Variants in BPHL observed in about 807,000 individuals in gnomAD.
The protein encoded by BPHL is serine hydrolase BPHL.
BPHL carries 27 observed loss-of-function variants against 31.2 expected under a neutral mutation model. That is an observed-to-expected ratio of 0.87 (90% CI 0.64 to 1.19). BPHL has a LOEUF of 1.19. Among genes scored for constraint, BPHL ranks in the 50% most tolerant of loss-of-function variants. The probability of loss-of-function intolerance (pLI) is 0.00; values close to 1 mark genes in which losing one functional copy is unlikely to be tolerated. For synonymous variants in BPHL, 150 were observed against 146.8 expected, an observed-to-expected ratio of 1.02 and a Z score of -0.16; for missense variants, 356 against 375.7, an observed-to-expected ratio of 0.95 and a Z score of 0.43.
At chr6:3,132,694 T>G (rs1025744517) in intron 4 of BPHL, among the ~76,000 whole-genome samples, 2 of 151,944 alleles carry the variant, frequency 1.3e-5, no homozygotes, top group Non-Finnish European at 2.9e-5. Context: ...TAGTCAGGTG[T>G]GGTGGCATGT....
chr6:3,119,313 G>A, intron 1 of BPHL: 3 of 1,548,822 alleles, frequency 1.9e-6, no homozygotes, highest in Non-Finnish European at 2.6e-6. Context: ...GTACCGCTAA[G>A]GCTTTAATCA....
At chr6:3,120,804 C>G (rs912308098) in intron 1 of BPHL, among the ~76,000 whole-genome samples, 3 of 152,166 alleles carry the variant, frequency 2.0e-5, no homozygotes, top group African/African-American at 7.2e-5. Flanking sequence ...AAATATTTTC[C>G]AAGTTCAACC....
Position 3,152,762 on chromosome 6 carries a change from C to T in BPHL, c.*187C>T, listed in dbSNP as rs1762561389. 1.9e-6 allele frequency: 1 copy of T among 525,338 alleles called. No individual in the cohort carries two copies. Among genetic ancestry groups the T allele is most frequent in the South Asian group, 2.6e-5 (1 of 39,052 alleles). 32.5% of individuals were successfully genotyped at this position (525,338 alleles called of 1,614,324 possible). On this transcript the variant is annotated 3_prime_UTR_variant, in exon 7 of 7. Coordinates refer to ENST00000380379, the MANE Select transcript of BPHL (RefSeq NM_004332.4). ...TAGCTTCAGGCTGGGCACGGTGGCT[C>T]ACAGCTATAATCTCAGCACTTTGGG...
Position 3,129,172 on chromosome 6 carries a change from C to T in BPHL, c.506C>T (p.Thr169Ile). ...MVIWGANAYV[T>I]DEDSMIYEGI... is the part of the protein sequence containing the mutation. ...ATCTGGGGCGCCAACGCCTACGTCA[C>T]TGACGAAGACAGCATGATATATGAG... Residue 169 changes from threonine (T) to isoleucine (I), a missense_variant, in exon 4 of 7, where the codon ACT (threonine) becomes ATT (isoleucine). By Grantham distance (89) the Thr-to-Ile change is moderately conservative (BLOSUM62 -1). Transcript: ENST00000380379. 6.2e-7 allele frequency: 1 copy of T among 1,601,954 alleles called. No homozygotes were observed. Among genetic ancestry groups the T allele is most frequent in the Non-Finnish European group, 8.5e-7 (1 of 1,173,656 alleles).
intron 2 of BPHL, among the ~76,000 whole-genome samples, chr6:3,124,834 G>T (rs775905559): frequency 2.0e-5 from 3 of 152,138 alleles, no homozygotes; most frequent in Non-Finnish European, 2.9e-5. Flanking sequence ...GTGCTAAAAA[G>T]GTTCCACTTG....
Position 3,152,688 on chromosome 6 carries a change from CA to C in BPHL, c.*115del. ...CTTTGAAACTTTCTACCCCTCCCTT[CA>C]ATCTTATCCTAACCAAATGAGAATA... is the stretch of plus-strand genomic sequence containing the variant. On this transcript the variant is annotated 3_prime_UTR_variant, in exon 7 of 7. Coordinates refer to ENST00000380379, the MANE Select transcript of BPHL (RefSeq NM_004332.4). 1.1e-6 allele frequency: 1 copy of C among 880,036 alleles called. No individual in the cohort carries two copies. The highest frequency in any genetic ancestry group is 2.5e-5 in the Admixed American group (1 of 40,524). The allele number at this position is 880,036 out of a possible 1,614,324, so 54.5% of individuals were successfully genotyped here. A position where few individuals can be genotyped will look rare whatever the true frequency, so the allele number is the denominator to read the frequency against.
At chr6:3,130,963 G>A (rs370475675) in intron 4 of BPHL, among the ~76,000 whole-genome samples, 2 of 152,038 alleles carry the variant, frequency 1.3e-5, no homozygotes, top group South Asian at 2.1e-4. Context: ...AGGCCATTCC[G>A]CTCTGTGAAG....
chr6:3,133,344 C>G (rs1230269573), intron 4 of BPHL, among the ~76,000 whole-genome samples: 1 of 152,206 alleles, frequency 6.6e-6, no homozygotes, highest in Non-Finnish European at 1.5e-5. Context: ...CTGTGCCTCT[C>G]CAACCGGTCC....
At chr6:3,144,158 C>T (rs556820983) in intron 6 of BPHL, among the ~76,000 whole-genome samples, 1 of 152,290 alleles carries the variant, frequency 6.6e-6, no homozygotes, top group East Asian at 1.9e-4. Context: ...GGCTCTGCCT[C>T]CTGGGTTCCT....
At chr6:3,127,443 G>A (rs1199435980) in intron 3 of BPHL, 35 bp downstream of exon 3, 3 of 1,485,916 alleles carry the variant, frequency 2.0e-6, no homozygotes, top group African/African-American at 2.8e-5. Context: ...GGGAGGAAGG[G>A]TGGCTGGGCC....
At position 3,149,046 on chromosome 6, in the gene BPHL, A is replaced by G. The variant is rs945622607; in HGVS notation, c.789-3442A>G. Among the ~76,000 whole-genome samples, 2 of 152,224 alleles carry G rather than the reference A, an allele frequency of 1.3e-5. No homozygotes were observed. The highest frequency in any genetic ancestry group is 3.8e-4 in the East Asian group (2 of 5,200). ...AGCTTACCACGTACCCGCAGACCCT[A>G]TGCTGCATACGTTGAATCTACTATC... On this transcript the variant is annotated intron_variant, in intron 6 of 6. Transcript: ENST00000380379. This position sits in a 1 kb window ranked among gnomAD's most constrained non-coding sequence, Gnocchi z 4.6.
chr6:3,121,180 C>G (rs1761559608), intron 1 of BPHL, among the ~76,000 whole-genome samples: 1 of 151,460 alleles, frequency 6.6e-6, no homozygotes, highest in African/African-American at 2.4e-5. Context: ...CATCAAGATT[C>G]ATGCAAATTT....
intron 3 of BPHL, 43 bp downstream of exon 3, chr6:3,127,451 G>C: frequency 5.6e-6 from 8 of 1,438,916 alleles, no homozygotes; most frequent in Non-Finnish European, 7.5e-6. Flanking sequence ...GGGTGGCTGG[G>C]CCTGTCTTCA....
At chr6:3,148,704 T>C (rs948468667) in intron 6 of BPHL, among the ~76,000 whole-genome samples, 2 of 152,246 alleles carry the variant, frequency 1.3e-5, no homozygotes, top group Admixed American at 6.5e-5. Context: ...CACACGCTGC[T>C]TGTGGGCTCG....
At chr6:3,142,219 A>C (rs778751946) in intron 6 of BPHL, among the ~76,000 whole-genome samples, 3 of 151,850 alleles carry the variant, frequency 2.0e-5, no homozygotes, top group Non-Finnish European at 2.9e-5. Flanking sequence ...CCTGGGTTCA[A>C]GTGATTCTCC....
intron 3 of BPHL, among the ~76,000 whole-genome samples, chr6:3,128,287 A>C (rs900925702): frequency 3.9e-5 from 6 of 152,212 alleles, no homozygotes; most frequent in Non-Finnish European, 8.8e-5. Flanking sequence ...CCTGGCACAC[A>C]GGGAGAATTT....
chr6:3,128,579 C>T (rs888313876), intron 3 of BPHL, among the ~76,000 whole-genome samples: 5 of 152,230 alleles, frequency 3.3e-5, no homozygotes, highest in African/African-American at 1.2e-4. Context: ...CTCTGACAGC[C>T]TGGCTCTTGC....
chr6:3,127,034 G>A lies in BPHL; in HGVS notation c.212-208G>A, dbSNP rs774936881. 492 of 366,490 alleles carry A rather than the reference G, an allele frequency of 1.3e-3. 10 individuals are homozygous for A. Among genetic ancestry groups the A allele is most frequent in the Non-Finnish European group, 3.0e-4 (62 of 205,994 alleles). 22.7% of individuals were successfully genotyped at this position (366,490 alleles called of 1,614,324 possible). A position where few individuals can be genotyped will look rare whatever the true frequency, so the allele number is the denominator to read the frequency against. On this transcript the variant is annotated intron_variant, in intron 2 of 6. Coordinates refer to ENST00000380379, the MANE Select transcript of BPHL (RefSeq NM_004332.4). The stretch of plus-strand genomic sequence containing the variant: ...AGTCCGCCCGCCTCGGCCTCCCAAA[G>A]TGCTAGGATTACAGGCGCACCCGGT...
chr6:3,153,460 G>A lies in BPHL; in HGVS notation c.*885G>A. On this transcript the variant is annotated 3_prime_UTR_variant, in exon 7 of 7. Transcript: ENST00000380379. Reference sequence around the variant, plus strand: ...ATGAATACTTTGGGCCAGTAAAGGTGAACAAAATATGTATTTTCATCACTC... The same window carrying A: ...ATGAATACTTTGGGCCAGTAAAGGTAAACAAAATATGTATTTTCATCACTC... 1 of 273,090 alleles carries A rather than the reference G, an allele frequency of 3.7e-6. No homozygotes were observed. The highest frequency in any genetic ancestry group is 7.0e-6 in the Non-Finnish European group (1 of 143,836). 16.9% of individuals were successfully genotyped at this position (273,090 alleles called of 1,614,324 possible). A position where few individuals can be genotyped will look rare whatever the true frequency, so the allele number is the denominator to read the frequency against.
Sources: gnomAD v4.1 joint callset for allele counts (sites outside exome capture counted in the v4.1 genomes callset) on GRCh38, gnomAD v4.1.1 for gene constraint, Gnocchi (gnomAD v3.1) non-coding constraint, MANE v1.5 for transcripts, NCBI Gene and HGNC (gene_info 2026-07-23, HGNC 2026-07-21) for gene names.